The following ZNF326 variants were observed in gnomAD, a reference collection of about 807,000 sequenced individuals.
ZNF326 encodes zinc finger protein 326.
Under a neutral mutation model 63.1 loss-of-function variants are expected in ZNF326, and 30 were observed. The ratio of observed to expected loss-of-function variants is 0.48; its 90% CI spans 0.36 to 0.64. ZNF326 has a LOEUF of 0.64. ZNF326 is among the 30% of genes least tolerant of loss of function. The pLI is 0.00. For synonymous variants in ZNF326, 194 were observed against 228.2 expected, an observed-to-expected ratio of 0.85 and a Z score of 1.35; for missense variants, 609 against 720.3, an observed-to-expected ratio of 0.85 and a Z score of 1.77.
chr1:90,032,207 T>C lies in ZNF326; in HGVS notation c.*4506T>C, dbSNP rs1352683745. The C allele has an allele frequency of 2.6e-5, 4 of 152,226 alleles. No homozygotes were observed. The highest frequency in any genetic ancestry group is 4.8e-5 in the African/African-American group (2 of 41,442). The allele number at this position is 152,226 out of a possible 1,614,324, so 9.4% of individuals were successfully genotyped here. A position where few individuals can be genotyped will look rare whatever the true frequency, so the allele number is the denominator to read the frequency against. ...ATTCCCAGAGGTCTGTTGTGAATTC[T>C]AATGCTTTCAGAAAATATTACGGAG... On this transcript the variant is annotated 3_prime_UTR_variant, in exon 12 of 12. Coordinates refer to ENST00000340281, the MANE Select transcript of ZNF326 (RefSeq NM_182976.4).
chr1:90,010,935 G>T (rs1197098491), intron 6 of ZNF326, among the ~76,000 whole-genome samples: 8 of 152,134 alleles, frequency 5.3e-5, no homozygotes, highest in Non-Finnish European at 1.2e-4. Context: ...ATACTAAGCA[G>T]AGTATGTGTT....
chr1:90,021,136 G>A (rs1029021125), intron 10 of ZNF326, among the ~76,000 whole-genome samples: 2 of 151,992 alleles, frequency 1.3e-5, no homozygotes, highest in African/African-American at 2.4e-5. Context: ...CATGTGTTAC[G>A]CAAGCAAGTT....
At chr1:90,018,989 C>G (rs900661219) in intron 9 of ZNF326, among the ~76,000 whole-genome samples, 2 of 152,076 alleles carry the variant, frequency 1.3e-5, no homozygotes, top group Non-Finnish European at 2.9e-5. Context: ...TTCTTCACTT[C>G]AGTTTGAGAG....
Position 90,014,583 on chromosome 1 carries a change from A to G in ZNF326, c.926+1346A>G, listed in dbSNP as rs185176292. On this transcript the variant is annotated intron_variant, in intron 7 of 11. Coordinates refer to ENST00000340281, the MANE Select transcript of ZNF326 (RefSeq NM_182976.4). Reference sequence around the variant, plus strand: ...TTGTTGGTGACAGTATATTATAACTATTAGCAATTTAGCAGTTTTTTAAAA... The same window carrying G: ...TTGTTGGTGACAGTATATTATAACTGTTAGCAATTTAGCAGTTTTTTAAAA... Among the ~76,000 whole-genome samples, 710 of 152,332 alleles carry G rather than the reference A, an allele frequency of 4.7e-3. 6 individuals are homozygous for G. Among genetic ancestry groups the G allele is most frequent in the African/African-American group, 0.017 (691 of 41,574 alleles).
At chr1:90,014,479 TTAAA>T (rs914054407) in intron 7 of ZNF326, among the ~76,000 whole-genome samples, 11 of 152,272 alleles carry the variant, frequency 7.2e-5, no homozygotes, top group South Asian at 2.1e-4. Flanking sequence ...AACTAAAAAT[TTAAA>T]TAATAGTATG....
At chr1:90,000,108 A>G (rs1648598314) in intron 2 of ZNF326, among the ~76,000 whole-genome samples, 1 of 152,216 alleles carries the variant, frequency 6.6e-6, no homozygotes, top group Non-Finnish European at 1.5e-5. Flanking sequence ...GGAAAGACTC[A>G]CCAAAAAGAT....
chr1:90,013,001 G>T (rs1649326751), intron 6 of ZNF326, 125 bp from the exon 7 acceptor site: 6 of 677,520 alleles, frequency 8.9e-6, no homozygotes, highest in Admixed American at 4.1e-5. Context: ...GATTTTTTTG[G>T]TGAGTTCAAT....
intron 1 of ZNF326, 128 bp downstream of exon 1, chr1:89,995,401 C>T: frequency 7.8e-7 from 1 of 1,274,036 alleles, no homozygotes; most frequent in Non-Finnish European, 1.0e-6. Flanking sequence ...GCCCGCCCGC[C>T]CCGGGCCCAG....
chr1:89,998,245 TG>T, intron 2 of ZNF326, 91 bp downstream of exon 2: 1 of 1,222,892 alleles, frequency 8.2e-7, no homozygotes, highest in Non-Finnish European at 1.2e-6. Context: ...GTCCTTGTTT[TG>T]GTTCTTGATA....
intron 2 of ZNF326, among the ~76,000 whole-genome samples, chr1:90,001,259 G>A (rs1220198875): frequency 6.6e-6 from 1 of 152,112 alleles, no homozygotes; most frequent in Admixed American, 6.5e-5. Flanking sequence ...GTTCTTAGAT[G>A]TTATTTTAAG....
intron 2 of ZNF326, among the ~76,000 whole-genome samples, chr1:89,998,519 A>G (rs1024079160): frequency 7.2e-5 from 11 of 152,272 alleles, no homozygotes; most frequent in South Asian, 4.1e-4. Flanking sequence ...GCTTGGTTCT[A>G]TATAGCTTGT....
At chr1:90,024,160 T>G (rs548515548) in intron 11 of ZNF326, among the ~76,000 whole-genome samples, 2 of 152,242 alleles carry the variant, frequency 1.3e-5, no homozygotes, top group African/African-American at 4.8e-5. Flanking sequence ...TCCTCCACTG[T>G]CCCTCCACTG....
intron 4 of ZNF326, chr1:90,005,685 G>C: frequency 2.0e-6 from 2 of 985,042 alleles, no homozygotes; most frequent in Non-Finnish European, 2.4e-6. Context: ...TACTGAACCA[G>C]TCTAACATTT....
chr1:90,005,451 A>G, intron 4 of ZNF326: 1 of 1,300,402 alleles, frequency 7.7e-7, no homozygotes, highest in Non-Finnish European at 9.7e-7. Flanking sequence ...AACACCAGAT[A>G]ACTATATCAT....
Position 90,018,866 on chromosome 1 carries a change from C to A in ZNF326, c.1174+82C>A, listed in dbSNP as rs770567480. On this transcript the variant is annotated intron_variant, in intron 9 of 11. Coordinates refer to ENST00000340281, the MANE Select transcript of ZNF326 (RefSeq NM_182976.4). ...CCTGTTTAAATGTAAATGATAGCCACTAGAGTGATATAGTACAGTCATATA... is the reference window on the plus strand; with the variant it reads ...CCTGTTTAAATGTAAATGATAGCCAATAGAGTGATATAGTACAGTCATATA... 20 of 767,078 alleles carry A rather than the reference C, an allele frequency of 2.6e-5. No homozygotes were observed. In the East Asian group the frequency reaches 5.5e-4, roughly 21 times the overall value. 47.5% of individuals were successfully genotyped at this position (767,078 alleles called of 1,614,324 possible).
chr1:89,997,079 G>A (rs1457551796), intron 1 of ZNF326, among the ~76,000 whole-genome samples: 3 of 152,166 alleles, frequency 2.0e-5, no homozygotes, highest in Admixed American at 1.3e-4. Flanking sequence ...GATGAAATAC[G>A]CCCTGTCTCA....
chr1:90,017,952 C>G (rs765483857), intron 8 of ZNF326, among the ~76,000 whole-genome samples: 1 of 152,042 alleles, frequency 6.6e-6, no homozygotes. Flanking sequence ...GTTGATTGTA[C>G]GTACAATTAA....
chr1:90,034,824 C>A lies in ZNF326; in HGVS notation c.*7123C>A, dbSNP rs1315357092. On this transcript the variant is annotated 3_prime_UTR_variant, in exon 12 of 12. Coordinates refer to ENST00000340281, the MANE Select transcript of ZNF326 (RefSeq NM_182976.4). The stretch of plus-strand genomic sequence containing the variant: ...ATTGTTCATCAAAGATAGCTATAGA[C>A]CAGTCTCACTTACGAACAAATGTAA... 1 of 152,038 alleles carries A rather than the reference C, an allele frequency of 6.6e-6. No homozygotes were observed. The highest frequency in any genetic ancestry group is 1.5e-5 in the Non-Finnish European group (1 of 67,976). The allele number at this position is 152,038 out of a possible 1,614,324, so 9.4% of individuals were successfully genotyped here. A position where few individuals can be genotyped will look rare whatever the true frequency, so the allele number is the denominator to read the frequency against.
intron 11 of ZNF326, 74 bp from the exon 12 acceptor site, chr1:90,027,280 A>G: frequency 7.3e-7 from 1 of 1,374,680 alleles, no homozygotes; most frequent in Non-Finnish European, 1.0e-6. Flanking sequence ...ATGATATGGC[A>G]AGTAAAAATT....
Sources: gnomAD v4.1 joint callset for allele counts (sites outside exome capture counted in the v4.1 genomes callset) on GRCh38, gnomAD v4.1.1 for gene constraint, MANE v1.5 for transcripts, NCBI Gene and HGNC (gene_info 2026-07-23, HGNC 2026-07-21) for gene names.